Variants in KIFBP observed in about 807,000 individuals in gnomAD.
KIFBP encodes kinesin family binding protein, also known as KIF-binding protein.
A neutral mutation model predicts 58.9 loss-of-function variants in KIFBP; 46 were observed. That is an observed-to-expected ratio of 0.78 (90% CI 0.62 to 1.00). The LOEUF (loss-of-function observed/expected upper bound fraction) is 1.00. Ranked by LOEUF, KIFBP falls within the 50% of genes least tolerant of loss-of-function variation. The probability of loss-of-function intolerance (pLI) is 0.00; values close to 1 mark genes in which losing one functional copy is unlikely to be tolerated. For synonymous variants in KIFBP, 241 were observed against 283.4 expected, an observed-to-expected ratio of 0.85 and a Z score of 1.50; for missense variants, 651 against 752.9, an observed-to-expected ratio of 0.86 and a Z score of 1.58.
intron 6 of KIFBP, among the ~76,000 whole-genome samples, chr10:69,013,584 A>G (rs1324565351): frequency 6.6e-6 from 1 of 152,180 alleles, no homozygotes; most frequent in Non-Finnish European, 1.5e-5. Flanking sequence ...TACAAGATTT[A>G]GAGACTTATG....
rs773038576 is a variant in KIFBP, at chr10:68,989,182, A to C, written c.350A>C (p.His117Pro). The C allele has an allele frequency of 6.2e-7, 1 of 1,613,688 alleles. No homozygotes were observed. The highest frequency in any genetic ancestry group is 2.2e-5 in the East Asian group (1 of 44,868). Residue 117 changes from histidine to proline, a missense_variant, in exon 1 of 7, where the codon CAC (histidine) becomes CCC (proline). By Grantham distance (77) the His-to-Pro change is moderately conservative (BLOSUM62 -2). Transcript: ENST00000361983. The part of the protein sequence containing the change: ...DTEELSAGEE[H>P]LVKCLRLLRR... ...GAGGAGCTGTCGGCGGGGGAGGAGCACCTGGTGAAATGCCTGCGGCTGCTG... is the reference window on the plus strand; with the variant it reads ...GAGGAGCTGTCGGCGGGGGAGGAGCCCCTGGTGAAATGCCTGCGGCTGCTG...
intron 2 of KIFBP, among the ~76,000 whole-genome samples, chr10:69,004,413 TTA>T (rs1253779365): frequency 6.6e-6 from 1 of 151,802 alleles, no homozygotes; most frequent in Non-Finnish European, 1.5e-5. Context: ...ACTTCAAGAA[TTA>T]TATATGTCTA....
intron 1 of KIFBP, among the ~76,000 whole-genome samples, chr10:68,990,125 T>G (rs377238445): frequency 1.3e-5 from 2 of 152,364 alleles, no homozygotes; most frequent in East Asian, 3.9e-4. Flanking sequence ...AATCACTTCC[T>G]TTAGTATTAA....
intron 3 of KIFBP, among the ~76,000 whole-genome samples, chr10:69,005,440 G>A (rs1186469495): frequency 6.6e-6 from 1 of 152,144 alleles, no homozygotes; most frequent in African/African-American, 2.4e-5. Flanking sequence ...CACTTTGGGA[G>A]GCTGAGGCGG....
chr10:69,013,489 A>G (rs181699568), intron 6 of KIFBP, among the ~76,000 whole-genome samples: 2 of 152,250 alleles, frequency 1.3e-5, no homozygotes, highest in Admixed American at 1.3e-4. Flanking sequence ...TGCAGGGACT[A>G]TTGGAGCAAA....
intron 1 of KIFBP, among the ~76,000 whole-genome samples, chr10:68,997,781 A>T (rs984809856): frequency 6.6e-6 from 1 of 152,120 alleles, no homozygotes; most frequent in Non-Finnish European, 1.5e-5. Flanking sequence ...TTTGACCATG[A>T]CACCAGTAAG....
chr10:69,008,391 AATATAT>A (rs1173764355), intron 4 of KIFBP, among the ~76,000 whole-genome samples: 3 of 71,586 alleles, frequency 4.2e-5, no homozygotes, highest in African/African-American at 7.8e-5. Flanking sequence ...AAAAAAAAAA[AATATAT>A]ATATATATAT....
intron 5 of KIFBP, among the ~76,000 whole-genome samples, chr10:69,010,692 C>T (rs150550426): frequency 2.6e-3 from 403 of 152,088 alleles, no homozygotes; most frequent in African/African-American, 9.1e-3. Context: ...GTTTGTGGTG[C>T]GAGAAAGAAA....
chr10:69,005,687 A>C, intron 3 of KIFBP, 45 bp from the exon 4 acceptor site: 4 of 1,461,564 alleles, frequency 2.7e-6, no homozygotes, highest in Admixed American at 3.6e-5. Flanking sequence ...AAAAAAAAAA[A>C]CAAGTAAACC....
chr10:68,995,367 C>T (rs1458599576), intron 1 of KIFBP: 8 of 152,106 alleles, frequency 5.3e-5, no homozygotes, highest in African/African-American at 1.9e-4. Flanking sequence ...CTTTTTTCCA[C>T]TCAACATCGT....
intron 2 of KIFBP, among the ~76,000 whole-genome samples, chr10:69,001,163 CA>C (rs1843461208): frequency 6.6e-6 from 1 of 151,546 alleles, no homozygotes; most frequent in Admixed American, 6.6e-5. Context: ...GAAAATGCAG[CA>C]TATAAAAATT....
intron 1 of KIFBP, among the ~76,000 whole-genome samples, chr10:68,994,744 GAGTTTTGACA>G (rs965400248): frequency 2.0e-5 from 3 of 152,122 alleles, no homozygotes; most frequent in African/African-American, 7.2e-5. Flanking sequence ...ACAGTTTGAT[GAGTTTTGACA>G]TATATATTTA....
chr10:69,000,389 A>G (rs750596601), intron 1 of KIFBP, 35 bp from the exon 2 acceptor site: 4 of 1,363,382 alleles, frequency 2.9e-6, no homozygotes, highest in Non-Finnish European at 4.2e-6. Flanking sequence ...GAAGTCTTAT[A>G]TCATTGTTTG....
chr10:68,989,548 GGTGTCC>G (rs1843318008), intron 1 of KIFBP: 1 of 544,438 alleles, frequency 1.8e-6, no homozygotes, highest in African/African-American at 1.9e-5. Context: ...GCGATGCATT[GGTGTCC>G]GAGACCCTCC....
At chr10:68,993,696 C>T (rs1161918600) in intron 1 of KIFBP, among the ~76,000 whole-genome samples, 1 of 151,832 alleles carries the variant, frequency 6.6e-6, no homozygotes, top group Admixed American at 6.6e-5. Context: ...TCAAGTGATC[C>T]TCACATCTCG....
intron 2 of KIFBP, among the ~76,000 whole-genome samples, chr10:69,001,184 A>G (rs958890645): frequency 1.3e-5 from 2 of 151,472 alleles, no homozygotes; most frequent in Non-Finnish European, 2.9e-5. Context: ...TGATTGAGTT[A>G]CTCTGGTTAA....
At chr10:68,989,302 G>A in intron 1 of KIFBP, 44 bp downstream of exon 1, 1 of 1,597,514 alleles carries the variant, frequency 6.3e-7, no homozygotes. Context: ...GGCAAATGGC[G>A]AGGGATGGGG....
chr10:68,996,803 A>G (rs1272534411), intron 1 of KIFBP, among the ~76,000 whole-genome samples: 3 of 152,162 alleles, frequency 2.0e-5, no homozygotes, highest in Non-Finnish European at 4.4e-5. Context: ...CAGTGAGCCA[A>G]GATCGTGCCA....
chr10:69,015,355 G>T, intron 6 of KIFBP, 186 bp from the exon 7 acceptor site: 2 of 558,616 alleles, frequency 3.6e-6, no homozygotes, highest in Non-Finnish European at 6.2e-6. Context: ...CACATTTCTT[G>T]AGTTTTTAAT....
Sources: allele counts gnomAD v4.1 joint callset (sites outside exome capture counted in the v4.1 genomes callset), GRCh38; gene constraint gnomAD v4.1.1; transcripts MANE v1.5; gene names NCBI Gene and HGNC (gene_info 2026-07-23, HGNC 2026-07-21).